Variants in CEP290 observed in about 807,000 individuals in gnomAD.
CEP290 encodes centrosomal protein of 290 kDa.
A neutral mutation model predicts 344.9 loss-of-function variants in CEP290; 317 were observed. That is an observed-to-expected ratio of 0.92 (90% CI 0.84 to 1.01). CEP290 has a LOEUF of 1.01. Among genes scored for constraint, CEP290 ranks in the 50% least tolerant of loss-of-function variants. The pLI is 0.00. For synonymous variants in CEP290, 932 were observed against 895.8 expected (o/e 1.04, Z -0.72); for missense variants, 2,754 against 2,761.4 (o/e 1.00, Z 0.06).
intron 30 of CEP290, 55 bp downstream of exon 30, chr12:88,090,673 T>C (rs558596309): frequency 2.8e-6 from 3 of 1,058,242 alleles, no homozygotes; most frequent in East Asian, 2.6e-5. Context: ...CAACATCTAA[T>C]GTAAATTTAG....
At chr12:88,079,309 C>T (rs982136087) in intron 38 of CEP290, 80 bp from the exon 39 acceptor site, 2 of 1,119,338 alleles carry the variant, frequency 1.8e-6, no homozygotes, top group Non-Finnish European at 2.5e-6. Context: ...AAAAAATAAA[C>T]AAGCTTTATT....
chr12:88,082,889 T>A (rs78015808), intron 37 of CEP290, 142 bp downstream of exon 37: 1 of 540,090 alleles, frequency 1.9e-6, no homozygotes. Context: ...TGATAACATA[T>A]GTAACCAGCA....
At chr12:88,110,225 T>C (rs2038583468) in intron 22 of CEP290, among the ~76,000 whole-genome samples, 1 of 152,170 alleles carries the variant, frequency 6.6e-6, no homozygotes, top group African/African-American at 2.4e-5. Context: ...TGTGATGTTA[T>C]AGATAGTCAA....
In CEP290 at chr12:88,109,151, T is replaced by A; in HGVS notation, c.2398A>T (p.Asn800Tyr). The A allele has an allele frequency of 7.2e-7, 1 of 1,397,738 alleles. No homozygotes were observed. Among genetic ancestry groups the A allele is most frequent in the Non-Finnish European group, 9.6e-7 (1 of 1,039,470 alleles). 86.6% of individuals were successfully genotyped at this position (1,397,738 alleles called of 1,614,324 possible). The change falls in exon 23 of 54, where the codon AAT (asparagine) becomes TAT (tyrosine). Residue 800 changes from asparagine to tyrosine, a missense_variant. Coordinates refer to ENST00000552810, the MANE Select transcript of CEP290 (RefSeq NM_025114.4). Reference sequence around the variant, plus strand: ...TAATCTTCAAGAGAATCTTCTAAATTCTTTAACTTTTTTTCTTTATTTTCT... The same window carrying A: ...TAATCTTCAAGAGAATCTTCTAAATACTTTAACTTTTTTTCTTTATTTTCT... ...ELENKEKKLK[N>Y]LEDSLEDYNR...
In CEP290 at chr12:88,118,477, G is replaced by A. The variant is rs1285486059; in HGVS notation, c.1711+6C>T. On this transcript the variant is annotated splice_donor_region_variant and intron_variant, in intron 17 of 53. Coordinates refer to ENST00000552810, the MANE Select transcript of CEP290 (RefSeq NM_025114.4). ...CTTTTTAAAGGTTTAGAATAACTGA[G>A]TATACCTGAAGTTGCACTTCTTTTT... is the stretch of plus-strand genomic sequence containing the variant. 18 of 1,547,790 alleles carry A rather than the reference G, an allele frequency of 1.2e-5. No individual in the cohort carries two copies. Among genetic ancestry groups the A allele is most frequent in the East Asian group, 2.4e-5 (1 of 41,388 alleles).
rs77508014 is a variant in CEP290 at position 88,091,054 on chromosome 12, T to C, written c.3462-215A>G. ...TTGCTATATAAAAAAAACTTCATTC[T>C]CAACATCCCTCCTCCCTCTTGAATA... On this transcript the variant is annotated intron_variant, in intron 29 of 53. Coordinates refer to ENST00000552810, the MANE Select transcript of CEP290 (RefSeq NM_025114.4). Among the ~76,000 whole-genome samples the C allele has an allele frequency of 7.5e-3, 1,146 of 152,290 alleles. 20 individuals are homozygous for C. Among genetic ancestry groups the C allele is most frequent in the African/African-American group, 0.026 (1,099 of 41,564 alleles).
chr12:88,082,813 C>T (rs560981654), intron 37 of CEP290, among the ~76,000 whole-genome samples: 1 of 152,256 alleles, frequency 6.6e-6, no homozygotes, highest in South Asian at 2.1e-4. Flanking sequence ...TATGGCTTTC[C>T]CATCTACCCC....
chr12:88,128,616 A>G (rs1030010345), intron 11 of CEP290, among the ~76,000 whole-genome samples: 9 of 152,158 alleles, frequency 5.9e-5, no homozygotes, highest in Non-Finnish European at 1.2e-4. Context: ...TAACTAATGT[A>G]TATAAGGTAA....
chr12:88,075,385 T>C (rs2035686963), intron 41 of CEP290, among the ~76,000 whole-genome samples: 1 of 152,146 alleles, frequency 6.6e-6, no homozygotes, highest in Non-Finnish European at 1.5e-5. Context: ...TTCGTATGCA[T>C]AGATTTCAGA....
intron 36 of CEP290, among the ~76,000 whole-genome samples, 169 bp downstream of exon 36, chr12:88,083,678 T>C (rs532476035): frequency 6.6e-6 from 1 of 152,300 alleles, no homozygotes; most frequent in South Asian, 2.1e-4. Flanking sequence ...AATATAATTT[T>C]GTGAACAGCG....
In CEP290 at chr12:88,090,828, ATCTC is replaced by A. The variant is rs1380989718; in HGVS notation, c.3469_3472del (p.Glu1157PhefsTer12). On this transcript the variant is annotated frameshift_variant, in exon 30 of 54. Transcript: ENST00000552810. LOFTEE classifies it high-confidence loss of function. The stretch of plus-strand genomic sequence containing the variant: ...AACTTGTCTTCTGGCAATATCAGAA[ATCTC>A]TCTCAGTCTAGGAAATGATAAGGTA... 1 of 1,550,382 alleles carries A rather than the reference ATCTC, an allele frequency of 6.5e-7. No individual in the cohort carries two copies. Among genetic ancestry groups the A allele is most frequent in the Non-Finnish European group, 8.7e-7 (1 of 1,143,408 alleles).
intron 22 of CEP290, among the ~76,000 whole-genome samples, chr12:88,110,074 A>C (rs1216710285): frequency 2.0e-5 from 3 of 152,180 alleles, no homozygotes; most frequent in African/African-American, 7.2e-5. Context: ...GTAATTTCCA[A>C]AATAAAAATG....
intron 5 of CEP290, among the ~76,000 whole-genome samples, chr12:88,137,820 G>A (rs1008441654): frequency 2.0e-5 from 3 of 152,112 alleles, no homozygotes; most frequent in African/African-American, 7.2e-5. Flanking sequence ...ACCCCACCCT[G>A]CAACTTCAGG....
At chr12:88,112,304 A>G (rs1040630552) in intron 20 of CEP290, among the ~76,000 whole-genome samples, 15 of 152,128 alleles carry the variant, frequency 9.9e-5, no homozygotes, top group African/African-American at 3.4e-4. Context: ...ATTATATAGC[A>G]CCTGCATTCA....
intron 29 of CEP290, 65 bp from the exon 30 acceptor site, chr12:88,090,904 A>G: frequency 1.1e-6 from 1 of 923,364 alleles, no homozygotes; most frequent in South Asian, 1.6e-5. Context: ...CCAAAATTCA[A>G]AATTTCTAGA....
intron 23 of CEP290, among the ~76,000 whole-genome samples, chr12:88,108,673 A>G (rs2038460462): frequency 6.6e-6 from 1 of 152,210 alleles, no homozygotes; most frequent in Admixed American, 6.5e-5. Context: ...AACATTTACA[A>G]ACTGTTCATA....
intron 25 of CEP290, chr12:88,103,895 T>C (rs574247990): frequency 1.6e-4 from 25 of 152,222 alleles, no homozygotes; most frequent in African/African-American, 4.8e-4. Flanking sequence ...TTCACTGTTC[T>C]GGGGGAAACA....
At chr12:88,054,526 G>T (rs141300241) in intron 50 of CEP290, 113 bp from the exon 51 acceptor site, 4 of 761,696 alleles carry the variant, frequency 5.3e-6, no homozygotes, top group Middle Eastern at 2.5e-4. Flanking sequence ...TCAAAAGCAC[G>T]CATAGGCAAA....
chr12:88,109,149 A>G lies in CEP290; in HGVS notation c.2400T>C (p.Asn800=), dbSNP rs2038497441. 7.1e-7 allele frequency: 1 copy of G among 1,411,736 alleles called. No individual in the cohort carries two copies. Among genetic ancestry groups the G allele is most frequent in the Non-Finnish European group, 9.5e-7 (1 of 1,051,200 alleles). The allele number at this position is 1,411,736 out of a possible 1,614,324, so 87.5% of individuals were successfully genotyped here. Residue 800 remains asparagine, a synonymous_variant, in exon 23 of 54, where the codon AAT becomes AAC. Transcript: ENST00000552810. ...ELENKEKKLK[N]LEDSLEDYNR... ...TGTAATCTTCAAGAGAATCTTCTAAATTCTTTAACTTTTTTTCTTTATTTT... is the reference window on the plus strand; with the variant it reads ...TGTAATCTTCAAGAGAATCTTCTAAGTTCTTTAACTTTTTTTCTTTATTTT...
Sources: gnomAD v4.1 joint callset for allele counts (sites outside exome capture counted in the v4.1 genomes callset) on GRCh38, gnomAD v4.1.1 for gene constraint, MANE v1.5 for transcripts, NCBI Gene and HGNC (gene_info 2026-07-23, HGNC 2026-07-21) for gene names.